The following OC90 variants were observed in gnomAD, a reference collection of about 807,000 sequenced individuals.
The protein encoded by OC90 is otoconin 90, also known as otoconin-90.
Under a neutral mutation model 47.3 loss-of-function variants are expected in OC90, and 46 were observed. The ratio of observed to expected loss-of-function variants is 0.97; its 90% CI spans 0.77 to 1.24. The LOEUF (loss-of-function observed/expected upper bound fraction) is 1.24. Ranked by LOEUF, OC90 falls within the 50% of genes most tolerant of loss-of-function variation. OC90 has a pLI of 0.00. For synonymous variants in OC90, 271 were observed against 219.5 expected (o/e 1.23, Z -2.07); for missense variants, 688 against 583.9 (o/e 1.18, Z -1.84).
intron 1 of OC90, among the ~76,000 whole-genome samples, chr8:132,057,943 A>G (rs1222146562): frequency 6.6e-6 from 1 of 152,248 alleles, no homozygotes; most frequent in African/African-American, 2.4e-5. Context: ...TTCTGGCTCC[A>G]ATACCCTAAA....
At chr8:132,058,478 C>T (rs899677494) in intron 1 of OC90, among the ~76,000 whole-genome samples, 10 of 152,186 alleles carry the variant, frequency 6.6e-5, no homozygotes, top group East Asian at 1.9e-4. Context: ...TCCCAATGGC[C>T]GGTCTCATGG....
intron 1 of OC90, among the ~76,000 whole-genome samples, chr8:132,057,451 A>C (rs1823292055): frequency 1.3e-5 from 2 of 152,200 alleles, no homozygotes; most frequent in African/African-American, 4.8e-5. Context: ...TTAGAGACAT[A>C]ATTTTGACTA....
intron 9 of OC90, among the ~76,000 whole-genome samples, chr8:132,037,134 A>G (rs967492931): frequency 1.3e-5 from 2 of 152,254 alleles, no homozygotes; most frequent in Admixed American, 6.5e-5. Flanking sequence ...CTACAGTAGC[A>G]GAGCTGAGCA....
chr8:132,045,059 G>C (rs1422460247), intron 3 of OC90, among the ~76,000 whole-genome samples: 1 of 152,208 alleles, frequency 6.6e-6, no homozygotes, highest in Non-Finnish European at 1.5e-5. Context: ...GGCATGCTGT[G>C]TTCCTTAGCT....
chr8:132,055,061 C>A lies in OC90; in HGVS notation c.-35G>T. The A allele has an allele frequency of 1.3e-6, 2 of 1,530,006 alleles. No homozygotes were observed. Among genetic ancestry groups the A allele is most frequent in the African/African-American group, 1.4e-5 (1 of 72,544 alleles). The allele number at this position is 1,530,006 out of a possible 1,614,324, so 94.8% of individuals were successfully genotyped here. On this transcript the variant is annotated 5_prime_UTR_variant, in exon 2 of 14. Coordinates refer to ENST00000254627, the MANE Select transcript of OC90 (RefSeq NM_001080399.3). ...ACAAAGGATGGGGCTTAGGCAGCAA[C>A]TGGAACGGACTCCTGGGAGAGAAGC...
intron 1 of OC90, among the ~76,000 whole-genome samples, chr8:132,058,433 A>G (rs943851827): frequency 6.6e-5 from 10 of 152,160 alleles, no homozygotes; most frequent in Non-Finnish European, 1.0e-4. Flanking sequence ...CTTGGTCTGC[A>G]TGCCAGGTTT....
At chr8:132,029,803 C>T (rs1822847337) in intron 12 of OC90, among the ~76,000 whole-genome samples, 1 of 152,204 alleles carries the variant, frequency 6.6e-6, no homozygotes, top group Admixed American at 6.5e-5. Flanking sequence ...TCACAATATC[C>T]AGTGTCCCCC....
intron 2 of OC90, chr8:132,049,689 C>A (rs1025322222): frequency 2.5e-6 from 1 of 400,278 alleles, no homozygotes. Flanking sequence ...GACTGACAGC[C>A]CTTTCCATAT....
At chr8:132,024,809 G>C (rs372283485) in intron 13 of OC90, 33 bp from the exon 14 acceptor site, 2 of 1,574,432 alleles carry the variant, frequency 1.3e-6, no homozygotes, top group African/African-American at 2.7e-5. Flanking sequence ...GAAGCCATGA[G>C]ACCTCTGAGG....
At chr8:132,044,106 C>T (rs969888819) in intron 4 of OC90, among the ~76,000 whole-genome samples, 1 of 152,198 alleles carries the variant, frequency 6.6e-6, no homozygotes. Context: ...GAGCTCCTCC[C>T]TTCTAGCTGG....
chr8:132,028,615 G>GA (rs1200336314), intron 13 of OC90, among the ~76,000 whole-genome samples: 64 of 37,256 alleles, frequency 1.7e-3, no homozygotes, highest in African/African-American at 4.3e-3. Flanking sequence ...AGGAGGGAAG[G>GA]AGGAAGGAAG....
chr8:132,049,061 A>G (rs1013046307), intron 2 of OC90, among the ~76,000 whole-genome samples: 1 of 151,674 alleles, frequency 6.6e-6, no homozygotes, highest in Admixed American at 6.6e-5. Context: ...CGATGAAGGT[A>G]ATGTCCAACA....
At chr8:132,044,763 T>C (rs1390024400) in intron 3 of OC90, among the ~76,000 whole-genome samples, 2 of 152,192 alleles carry the variant, frequency 1.3e-5, no homozygotes, top group African/African-American at 4.8e-5. Context: ...GGGTGAACTA[T>C]AAATACCTGG....
At chr8:132,030,587 A>G (rs377127728) in intron 12 of OC90, among the ~76,000 whole-genome samples, 3 of 152,198 alleles carry the variant, frequency 2.0e-5, no homozygotes, top group South Asian at 2.1e-4. Flanking sequence ...AAACCTTGAC[A>G]CTATTTAAAT....
At chr8:132,056,515 T>C (rs1823281608) in intron 1 of OC90, among the ~76,000 whole-genome samples, 1 of 152,210 alleles carries the variant, frequency 6.6e-6, no homozygotes, top group Non-Finnish European at 1.5e-5. Flanking sequence ...TCAAGAATTC[T>C]CTAGTAATCT....
At chr8:132,058,848 C>T (rs527842863) in intron 1 of OC90, among the ~76,000 whole-genome samples, 11 of 152,172 alleles carry the variant, frequency 7.2e-5, no homozygotes, top group East Asian at 3.9e-4. Context: ...ATTTTTCCCC[C>T]GGGTAAATTT....
At position 132,024,476 on chromosome 8, in the gene OC90, G is replaced by A. The variant is rs1286758235; in HGVS notation, c.*5C>T. ...CTGAAGGTGTTAGCCATTTTCTCTG[G>A]GCATCTATCTTCCATGAAGAGGCCC... On this transcript the variant is annotated 3_prime_UTR_variant, in exon 14 of 14. Coordinates refer to ENST00000254627, the MANE Select transcript of OC90 (RefSeq NM_001080399.3). The A allele has an allele frequency of 3.3e-6, 5 of 1,531,278 alleles. No individual in the cohort carries two copies. Among genetic ancestry groups the A allele is most frequent in the Non-Finnish European group, 4.4e-6 (5 of 1,138,864 alleles). 94.9% of individuals were successfully genotyped at this position (1,531,278 alleles called of 1,614,324 possible).
intron 10 of OC90, among the ~76,000 whole-genome samples, chr8:132,033,826 C>T (rs1045742068): frequency 1.3e-5 from 2 of 152,168 alleles, no homozygotes; most frequent in Admixed American, 1.3e-4. Flanking sequence ...CCAGCCTTCC[C>T]AGTACAGGGA....
At position 132,024,703 on chromosome 8, in the gene OC90, G is replaced by A. The variant is rs930147373; in HGVS notation, c.1212C>T (p.Ala404=). The A allele has an allele frequency of 3.1e-6, 5 of 1,613,794 alleles. No homozygotes were observed. The East Asian group carries it at 1.1e-4, about 36-fold the overall frequency. ...DQTAAECMTS[A]SFNQSLKSPS... ...GGGACTTGAGGCTTTGGTTAAAGGA[G>A]GCAGAGGTCATGCACTCAGCTGCCG... Residue 404 remains alanine, a synonymous_variant, in exon 14 of 14, where the codon GCC becomes GCT. Transcript: ENST00000254627.
Sources: gnomAD v4.1 joint callset for allele counts (sites outside exome capture counted in the v4.1 genomes callset) on GRCh38, gnomAD v4.1.1 for gene constraint, MANE v1.5 for transcripts, NCBI Gene and HGNC (gene_info 2026-07-23, HGNC 2026-07-21) for gene names.